Variants in TPO observed in about 807,000 individuals in gnomAD.
TPO encodes thyroid microsomal antigen.
TPO carries 78 observed loss-of-function variants against 96.9 expected under a neutral mutation model. That is an observed-to-expected ratio of 0.81 (90% CI 0.67 to 0.97). TPO has a LOEUF of 0.97. Among genes scored for constraint, TPO ranks in the 50% least tolerant of loss-of-function variants. The pLI is 0.00. For synonymous variants in TPO, 547 were observed against 538.0 expected (o/e 1.02, Z -0.23); for missense variants, 1,252 against 1,274.8 (o/e 0.98, Z 0.27).
intron 13 of TPO, among the ~76,000 whole-genome samples, chr2:1,501,446 G>A (rs1672865786): frequency 1.3e-5 from 2 of 152,164 alleles, no homozygotes; most frequent in South Asian, 4.2e-4. Context: ...TCCTGGGAAG[G>A]AGACCTACAC....
intron 1 of TPO, among the ~76,000 whole-genome samples, chr2:1,380,887 A>G (rs1033262295): frequency 3.3e-5 from 5 of 152,164 alleles, no homozygotes. Flanking sequence ...GAAGCTTCCA[A>G]TCCTGGGGGA....
chr2:1,540,465 G>C lies in TPO; in HGVS notation c.2619-129G>C, dbSNP rs912620869. On this transcript the variant is annotated intron_variant, in intron 15 of 16. Coordinates refer to ENST00000329066, the MANE Select transcript of TPO (RefSeq NM_001206744.2). Reference sequence around the variant, plus strand: ...GATCGACTTGACTGAAGTGTGAAATGAAAGTGGGTTGGAGTGTTCCTGCCA... The same window carrying C: ...GATCGACTTGACTGAAGTGTGAAATCAAAGTGGGTTGGAGTGTTCCTGCCA... The C allele has an allele frequency of 2.5e-6, 4 of 1,589,236 alleles. No homozygotes were observed. The South Asian group carries it at 3.3e-5, about 13-fold the overall frequency.
chr2:1,486,137 C>T (rs1416616489), intron 9 of TPO, among the ~76,000 whole-genome samples: 1 of 151,980 alleles, frequency 6.6e-6, no homozygotes, highest in African/African-American at 2.4e-5. Flanking sequence ...TCATCGCAGC[C>T]GTGCAGACCT....
intron 11 of TPO, among the ~76,000 whole-genome samples, chr2:1,495,269 G>A (rs1672209338): frequency 6.6e-6 from 1 of 152,368 alleles, no homozygotes; most frequent in African/African-American, 2.4e-5. Context: ...ATTCATCCCT[G>A]TGATGGGAAG....
intron 8 of TPO, among the ~76,000 whole-genome samples, chr2:1,482,133 G>C (rs566001236): frequency 6.6e-6 from 1 of 152,352 alleles, no homozygotes; most frequent in African/African-American, 2.4e-5. Flanking sequence ...AAGCAGTCGA[G>C]AGTCAGAAAG....
intron 7 of TPO, among the ~76,000 whole-genome samples, chr2:1,475,855 G>T (rs1669875493): frequency 6.6e-6 from 1 of 152,240 alleles, no homozygotes; most frequent in African/African-American, 2.4e-5. Context: ...CTGGCCTTGG[G>T]CTGCACAGCT....
At chr2:1,538,040 G>C (rs1315487827) in intron 15 of TPO, among the ~76,000 whole-genome samples, 1 of 83,062 alleles carries the variant, frequency 1.2e-5, no homozygotes, top group African/African-American at 7.6e-5. Context: ...TCCCCCCACT[G>C]TGTGCAACCT....
chr2:1,436,682 G>A (rs758288429), intron 5 of TPO, among the ~76,000 whole-genome samples: 4 of 152,140 alleles, frequency 2.6e-5, no homozygotes, highest in East Asian at 1.9e-4. Flanking sequence ...CTCAAGCCAC[G>A]TGCTTAGGCG....
At chr2:1,491,953 G>A (rs970518025) in intron 10 of TPO, among the ~76,000 whole-genome samples, 18 of 152,200 alleles carry the variant, frequency 1.2e-4, no homozygotes, top group African/African-American at 4.1e-4. Flanking sequence ...GGCTGAGGCA[G>A]CGCAGCTTCT....
At chr2:1,393,303 C>A (rs557084003) in intron 1 of TPO, among the ~76,000 whole-genome samples, 249 of 152,340 alleles carry the variant, frequency 1.6e-3, no homozygotes, top group African/African-American at 5.7e-3. Flanking sequence ...CTAACCCATT[C>A]GTGAGAAATC....
chr2:1,396,706 T>C (rs1662085200), intron 1 of TPO, among the ~76,000 whole-genome samples: 1 of 152,114 alleles, frequency 6.6e-6, no homozygotes, highest in African/African-American at 2.4e-5. Flanking sequence ...GTAGGGAGCA[T>C]GAGCCCCAGG....
chr2:1,400,649 T>C (rs1008216310), intron 1 of TPO, among the ~76,000 whole-genome samples: 1 of 148,712 alleles, frequency 6.7e-6, no homozygotes, highest in Non-Finnish European at 1.5e-5. Context: ...ATTTCACTTA[T>C]GATGTGCAAA....
chr2:1,434,939 C>T (rs1665407144), intron 4 of TPO, among the ~76,000 whole-genome samples: 1 of 151,168 alleles, frequency 6.6e-6, no homozygotes, highest in Non-Finnish European at 1.5e-5. Context: ...TTCTTTTCTT[C>T]TTTTTTTTTG....
chr2:1,485,540 T>C (rs181139799), intron 9 of TPO, among the ~76,000 whole-genome samples: 3 of 151,470 alleles, frequency 2.0e-5, no homozygotes, highest in African/African-American at 7.4e-5. Context: ...AAAGCATTCC[T>C]TTTCTCCACA....
At chr2:1,527,778 G>A (rs559852039) in intron 15 of TPO, among the ~76,000 whole-genome samples, 3 of 121,322 alleles carry the variant, frequency 2.5e-5, no homozygotes, top group Admixed American at 9.1e-5. Flanking sequence ...CCCCCACTCT[G>A]TGCAACCTCC....
chr2:1,390,318 T>G (rs1444311562), intron 1 of TPO, among the ~76,000 whole-genome samples: 1 of 152,222 alleles, frequency 6.6e-6, no homozygotes, highest in Non-Finnish European at 1.5e-5. Flanking sequence ...GTTTCGAGCT[T>G]CATCCATGTC....
At chr2:1,496,226 T>G (rs1161830916) in intron 12 of TPO, 29 bp downstream of exon 12, 1 of 1,605,868 alleles carries the variant, frequency 6.2e-7, no homozygotes, top group Non-Finnish European at 8.5e-7. Flanking sequence ...TCACACCACG[T>G]TACAGCACGT....
intron 1 of TPO, among the ~76,000 whole-genome samples, chr2:1,374,941 G>A (rs1407720023): frequency 6.6e-6 from 1 of 151,886 alleles, no homozygotes; most frequent in East Asian, 1.9e-4. Flanking sequence ...GTGTTAGCCA[G>A]GATGGTCTCG....
At chr2:1,442,773 T>G (rs909120465) in intron 5 of TPO, among the ~76,000 whole-genome samples, 11 of 152,236 alleles carry the variant, frequency 7.2e-5, no homozygotes, top group Non-Finnish European at 8.8e-5. Context: ...TGCTCATTTC[T>G]AGGGTTGTCA....
Sources: allele counts gnomAD v4.1 joint callset (sites outside exome capture counted in the v4.1 genomes callset), GRCh38; gene constraint gnomAD v4.1.1; transcripts MANE v1.5; gene names NCBI Gene and HGNC (gene_info 2026-07-23, HGNC 2026-07-21).